PTPRT: variants seen among roughly 807,000 people sequenced by gnomAD.
The protein encoded by PTPRT is receptor-type tyrosine-protein phosphatase T.
PTPRT carries 56 observed loss-of-function variants against 176.8 expected under a neutral mutation model. That is an observed-to-expected ratio of 0.32 (90% CI 0.26 to 0.40). The LOEUF (loss-of-function observed/expected upper bound fraction) is 0.40, where lower values mean the gene tolerates loss of function less well. PTPRT is among the 10% of genes least tolerant of loss of function. The pLI, the probability that PTPRT is intolerant of heterozygous loss-of-function variation, is 1.00. For synonymous variants in PTPRT, 783 were observed against 739.0 expected (o/e 1.06, Z -0.96); for missense variants, 1,540 against 1,908.2 (o/e 0.81, Z 3.60).
At chr20:42,137,956 G>T (rs959600970) in intron 18 of PTPRT, among the ~76,000 whole-genome samples, 1 of 152,188 alleles carries the variant, frequency 6.6e-6, no homozygotes, top group African/African-American at 2.4e-5. Flanking sequence ...CTGTGTGCCC[G>T]CAGACCCCCT....
chr20:42,080,276 A>G lies in PTPRT; in HGVS notation c.*603T>C, dbSNP rs1180017697. The stretch of plus-strand genomic sequence containing the variant: ...GCCCAGGCTGGGGAAGGGGTACAGA[A>G]TGGTTGTGGGCGAAGCCCCATGCAG... On this transcript the variant is annotated 3_prime_UTR_variant, in exon 31 of 31. Transcript: ENST00000373187. 1 of 233,046 alleles carries G rather than the reference A, an allele frequency of 4.3e-6. No homozygotes were observed. Among genetic ancestry groups the G allele is most frequent in the African/African-American group, 2.2e-5 (1 of 45,354 alleles). 14.4% of individuals were successfully genotyped at this position (233,046 alleles called of 1,614,324 possible).
At chr20:42,822,450 A>G (rs2077911629) in intron 2 of PTPRT, among the ~76,000 whole-genome samples, 2 of 152,212 alleles carry the variant, frequency 1.3e-5, no homozygotes, top group Non-Finnish European at 2.9e-5. Context: ...TAAAAATCTC[A>G]GAAGAAAACC....
At chr20:42,764,650 T>C (rs1184751387) in intron 5 of PTPRT, among the ~76,000 whole-genome samples, 9 of 152,144 alleles carry the variant, frequency 5.9e-5, no homozygotes, top group Non-Finnish European at 1.5e-5. Context: ...GCCTGTGTAA[T>C]TCCGAGGATG....
intron 7 of PTPRT, among the ~76,000 whole-genome samples, chr20:42,495,608 T>A (rs2071639498): frequency 6.6e-6 from 1 of 152,202 alleles, no homozygotes. Context: ...TCTTTCAGTT[T>A]TCCCGTTAGA....
the PTPRT span, among the ~76,000 whole-genome samples, chr20:42,066,449 G>GT: frequency 1.6e-4 from 11 of 67,164 alleles, no homozygotes; most frequent in East Asian, 1.0e-3. Flanking sequence ...AGGTTGTAGG[G>GT]GTTTTTTTGG....
rs117862595 is a variant in PTPRT at position 43,052,207 on chromosome 20, T to C, written c.88+137439A>G. ...GAGGTAAAAGCGATTGCCTTTATAG[T>C]GGTAGACTTGGCAGGAAACACAGCA... On this transcript the variant is annotated intron_variant, in intron 1 of 30. Coordinates refer to ENST00000373187, the MANE Select transcript of PTPRT (RefSeq NM_007050.6). Among the ~76,000 whole-genome samples the C allele has an allele frequency of 4.2e-3, 638 of 152,298 alleles. 13 individuals are homozygous for C. In the East Asian group the frequency reaches 0.066, roughly 16 times the overall value.
intron 26 of PTPRT, among the ~76,000 whole-genome samples, chr20:42,098,924 T>C (rs1237902095): frequency 1.3e-5 from 2 of 152,276 alleles, no homozygotes; most frequent in African/African-American, 4.8e-5. Flanking sequence ...CGCATCCCTG[T>C]GGCCACGATG....
chr20:42,837,640 T>G (rs756861542), intron 2 of PTPRT, among the ~76,000 whole-genome samples: 2 of 152,194 alleles, frequency 1.3e-5, no homozygotes, highest in African/African-American at 4.8e-5. Context: ...CAGTATGTAT[T>G]TATTCAGGGA....
In PTPRT at chr20:43,051,625, T is replaced by TAAAAAAAAAAAAAAA. The variant is rs35885799; in HGVS notation, c.88+138006_88+138020dup. Among the ~76,000 whole-genome samples, 48 of 91,940 alleles carry TAAAAAAAAAAAAAAA rather than the reference T, an allele frequency of 5.2e-4. 2 individuals are homozygous for TAAAAAAAAAAAAAAA. Among genetic ancestry groups the TAAAAAAAAAAAAAAA allele is most frequent in the African/African-American group, 2.3e-3 (44 of 18,804 alleles). The allele number at this position is 91,940 out of a possible 152,430, so 60.3% of individuals were successfully genotyped here. A position where few individuals can be genotyped will look rare whatever the true frequency, so the allele number is the denominator to read the frequency against. On this transcript the variant is annotated intron_variant, in intron 1 of 30. Transcript: ENST00000373187. ...TCCTTCCAGCCACACTCTGTAACTG[T>TAAAAAAAAAAAAAAA]AAAAAAAAAAAAAAAAAAAAAAAAT...
At chr20:42,778,758 G>A (rs1358842076) in intron 4 of PTPRT, among the ~76,000 whole-genome samples, 1 of 152,232 alleles carries the variant, frequency 6.6e-6, no homozygotes, top group Non-Finnish European at 1.5e-5. Flanking sequence ...CCTAGTGAAG[G>A]AGATTCATAT....
At chr20:42,199,208 A>C (rs755912607) in intron 16 of PTPRT, 32 bp downstream of exon 16, 87 of 1,610,292 alleles carry the variant, frequency 5.4e-5, no homozygotes, top group Non-Finnish European at 7.0e-5. Context: ...TGGACCACGG[A>C]TGTCCCCTTC....
At chr20:43,094,387 C>CTT (rs750409473) in intron 1 of PTPRT, among the ~76,000 whole-genome samples, 9 of 107,166 alleles carry the variant, frequency 8.4e-5, no homozygotes, top group African/African-American at 3.0e-4. Context: ...CACCCGGCCT[C>CTT]TTTCTTTTTT....
intron 16 of PTPRT, among the ~76,000 whole-genome samples, chr20:42,170,828 T>G (rs1309326248): frequency 6.6e-6 from 1 of 152,136 alleles, no homozygotes; most frequent in Non-Finnish European, 1.5e-5. Flanking sequence ...GACACAATAT[T>G]AAAACAACTC....
chr20:42,948,653 G>A (rs1224014484), intron 1 of PTPRT, among the ~76,000 whole-genome samples: 4 of 152,314 alleles, frequency 2.6e-5, no homozygotes, highest in Admixed American at 2.6e-4. Context: ...GACAGAGAGA[G>A]AGTGAAAGAT....
At chr20:42,254,903 T>G (rs1389497812) in intron 13 of PTPRT, among the ~76,000 whole-genome samples, 1 of 152,204 alleles carries the variant, frequency 6.6e-6, no homozygotes. Flanking sequence ...TTACCTCAAC[T>G]TGGTTCCCCT....
chr20:42,648,575 C>T (rs1239579969), intron 7 of PTPRT, among the ~76,000 whole-genome samples: 1 of 152,124 alleles, frequency 6.6e-6, no homozygotes, highest in Non-Finnish European at 1.5e-5. Flanking sequence ...CCCAAGAAGG[C>T]CGCTACAGCT....
intron 7 of PTPRT, among the ~76,000 whole-genome samples, chr20:42,605,926 C>T (rs914666813): frequency 1.3e-5 from 2 of 152,208 alleles, no homozygotes; most frequent in Admixed American, 1.3e-4. Context: ...TGTCATGTGG[C>T]CACGATCCTT....
intron 1 of PTPRT, among the ~76,000 whole-genome samples, chr20:43,144,677 A>C (rs1476568002): frequency 6.6e-6 from 1 of 152,172 alleles, no homozygotes; most frequent in African/African-American, 2.4e-5. Context: ...AGGGTGATAC[A>C]GGGAATGATG....
At chr20:42,318,035 T>C (rs775351009) in intron 11 of PTPRT, among the ~76,000 whole-genome samples, 19 of 152,184 alleles carry the variant, frequency 1.2e-4, no homozygotes, top group Non-Finnish European at 1.0e-4. Flanking sequence ...TGAGTAAATA[T>C]AACATTCAGA....
Sources: allele counts gnomAD v4.1 joint callset (sites outside exome capture counted in the v4.1 genomes callset), GRCh38; gene constraint gnomAD v4.1.1; transcripts MANE v1.5; gene names NCBI Gene and HGNC (gene_info 2026-07-23, HGNC 2026-07-21).